MEIS2: variants seen among roughly 807,000 people sequenced by gnomAD.
MEIS2 encodes the protein Meis homeobox 2, also known as homeobox protein Meis2.
A neutral mutation model predicts 58.6 loss-of-function variants in MEIS2; 9 were observed. The ratio of observed to expected loss-of-function variants is 0.15; its 90% confidence interval spans 0.09 to 0.27. MEIS2 has a LOEUF of 0.27. MEIS2 is among the 10% of genes least tolerant of loss of function. The probability of loss-of-function intolerance (pLI) is 1.00; values close to 1 mark genes in which losing one functional copy is unlikely to be tolerated. For synonymous variants in MEIS2, 221 were observed against 228.4 expected, an observed-to-expected ratio of 0.97 and a Z score of 0.29; for missense variants, 427 against 635.0, an observed-to-expected ratio of 0.67 and a Z score of 3.52.
intron 7 of MEIS2, among the ~76,000 whole-genome samples, chr15:37,051,827 T>C (rs1212660374): frequency 2.0e-5 from 3 of 152,176 alleles, no homozygotes; most frequent in African/African-American, 7.2e-5. Flanking sequence ...CAACATAATA[T>C]TTATGAATGT....
At chr15:36,910,927 C>G (rs1178402770) in intron 9 of MEIS2, among the ~76,000 whole-genome samples, 3 of 152,008 alleles carry the variant, frequency 2.0e-5, no homozygotes, top group African/African-American at 7.2e-5. Context: ...CGCCTGTACT[C>G]CCGGCTATTC....
chr15:36,942,216 A>C (rs1275956134), intron 9 of MEIS2, among the ~76,000 whole-genome samples: 1 of 152,168 alleles, frequency 6.6e-6, no homozygotes, highest in Non-Finnish European at 1.5e-5. Context: ...TATGCACAAA[A>C]CCAAAACAAA....
At chr15:36,963,113 G>A (rs1382201978) in intron 8 of MEIS2, among the ~76,000 whole-genome samples, 3 of 152,132 alleles carry the variant, frequency 2.0e-5, no homozygotes, top group Non-Finnish European at 2.9e-5. Context: ...TGTGGCTCAC[G>A]CCTGTAATCC....
rs768606834 is a variant in MEIS2 at position 37,083,903 on chromosome 15, A to G, written c.640-18T>C. On this transcript the variant is annotated intron_variant, in intron 6 of 11. Coordinates refer to ENST00000561208, the MANE Select transcript of MEIS2 (RefSeq NM_170675.5). ...GAAGGGTTCTGATGTCAGGATACCA[A>G]GGAATTTTTCCACAGTTACCATTTC... 2 of 1,609,078 alleles carry G rather than the reference A, an allele frequency of 1.2e-6. No homozygotes were observed. Among genetic ancestry groups the G allele is most frequent in the East Asian group, 4.5e-5 (2 of 44,840 alleles).
intron 8 of MEIS2, among the ~76,000 whole-genome samples, chr15:36,952,028 C>A (rs1488036925): frequency 6.6e-6 from 1 of 152,124 alleles, no homozygotes; most frequent in African/African-American, 2.4e-5. Flanking sequence ...TCAATCGTTG[C>A]CTGTCAGGTG....
At chr15:37,012,820 T>A (rs1302948852) in intron 8 of MEIS2, among the ~76,000 whole-genome samples, 2 of 152,192 alleles carry the variant, frequency 1.3e-5, no homozygotes. Flanking sequence ...ATTTTTCAGG[T>A]GTACATATGA....
intron 9 of MEIS2, among the ~76,000 whole-genome samples, chr15:36,935,855 T>C (rs905818262): frequency 2.0e-5 from 3 of 152,162 alleles, no homozygotes; most frequent in Non-Finnish European, 4.4e-5. Context: ...TTCCCACTTA[T>C]AATTTATTTT....
rs147706214 is a variant in MEIS2 at position 36,960,346 on chromosome 15, G to A, written c.901-9946C>T. 2.8e-3 allele frequency among the ~76,000 whole-genome samples: 433 copies of A among 151,994 alleles called. 1 individual carries two copies. The highest frequency in any genetic ancestry group is 6.2e-3 in the African/African-American group (256 of 41,468). ...CTCAGAGTATGGGATAACAGAATGG[G>A]GTTAATGATAAGTTTAAAAGTTATA... On this transcript the variant is annotated intron_variant, in intron 8 of 11. Coordinates refer to ENST00000561208, the MANE Select transcript of MEIS2 (RefSeq NM_170675.5).
intron 7 of MEIS2, among the ~76,000 whole-genome samples, chr15:37,076,719 A>C (rs1050551096): frequency 2.0e-4 from 31 of 152,186 alleles, no homozygotes; most frequent in African/African-American, 6.3e-4. Flanking sequence ...GTCATAGACT[A>C]TTTCCACAAT....
At chr15:36,956,231 A>C (rs1287033457) in intron 8 of MEIS2, among the ~76,000 whole-genome samples, 1 of 150,934 alleles carries the variant, frequency 6.6e-6, no homozygotes, top group African/African-American at 2.4e-5. Flanking sequence ...ATTTTTGGAC[A>C]GAACTTGATC....
chr15:36,910,785 G>A (rs917977012), intron 9 of MEIS2, among the ~76,000 whole-genome samples: 3 of 152,136 alleles, frequency 2.0e-5, no homozygotes, highest in Admixed American at 6.5e-5. Context: ...AGTGGCTCAC[G>A]CCTGTAATCC....
At chr15:37,040,396 C>T (rs890297879) in intron 7 of MEIS2, among the ~76,000 whole-genome samples, 4 of 152,040 alleles carry the variant, frequency 2.6e-5, no homozygotes, top group Non-Finnish European at 2.9e-5. Flanking sequence ...CACTTTTTGC[C>T]AACCCCCACG....
intron 8 of MEIS2, among the ~76,000 whole-genome samples, chr15:37,026,345 GA>G (rs1366132687): frequency 6.6e-6 from 1 of 152,086 alleles, no homozygotes; most frequent in Non-Finnish European, 1.5e-5. Flanking sequence ...TTCTGGGTAA[GA>G]AAAAAGCCAT....
intron 10 of MEIS2, 24 bp from the exon 11 acceptor site, chr15:36,895,285 CAG>C (rs1247821115): frequency 1.4e-5 from 22 of 1,595,008 alleles, no homozygotes; most frequent in Non-Finnish European, 1.8e-5. Flanking sequence ...TTCGAGGACA[CAG>C]AGGAGAAAGA....
chr15:36,918,506 G>A (rs2057370661), intron 9 of MEIS2, among the ~76,000 whole-genome samples: 1 of 152,216 alleles, frequency 6.6e-6, no homozygotes, highest in South Asian at 2.1e-4. Flanking sequence ...AAATGTTAAT[G>A]CTTACAATCC....
intron 8 of MEIS2, among the ~76,000 whole-genome samples, chr15:36,976,353 G>T (rs1392768669): frequency 6.6e-6 from 1 of 151,934 alleles, no homozygotes; most frequent in Non-Finnish European, 1.5e-5. Context: ...CAAAGTGCTG[G>T]GATTACAGGC....
chr15:36,909,865 G>A (rs1052403731), intron 9 of MEIS2, among the ~76,000 whole-genome samples: 1 of 150,218 alleles, frequency 6.7e-6, no homozygotes, highest in African/African-American at 2.5e-5. Context: ...TGGGGGTGGG[G>A]GGTGTTAGGA....
intron 7 of MEIS2, among the ~76,000 whole-genome samples, chr15:37,077,603 T>C (rs189346331): frequency 1.4e-4 from 22 of 152,216 alleles, no homozygotes; most frequent in African/African-American, 5.3e-4. Context: ...TCTATGGTGC[T>C]GGAACAGACA....
chr15:36,907,971 A>G (rs2056823947), intron 9 of MEIS2, among the ~76,000 whole-genome samples: 1 of 152,182 alleles, frequency 6.6e-6, no homozygotes, highest in African/African-American at 2.4e-5. Flanking sequence ...AACTCACTTT[A>G]AATAAATTAT....
Sources: allele counts gnomAD v4.1 joint callset (sites outside exome capture counted in the v4.1 genomes callset), GRCh38; gene constraint gnomAD v4.1.1; transcripts MANE v1.5; gene names NCBI Gene and HGNC (gene_info 2026-07-23, HGNC 2026-07-21).